MOBP: variants seen among roughly 807,000 people sequenced by gnomAD.
The protein encoded by MOBP is myelin-associated oligodendrocyte basic protein.
A neutral mutation model predicts 15.0 loss-of-function variants in MOBP; 5 were observed. The ratio of observed to expected loss-of-function variants is 0.33; its 90% CI spans 0.17 to 0.70. MOBP has a LOEUF of 0.70. Ranked by LOEUF, MOBP falls within the 30% of genes least tolerant of loss-of-function variation. MOBP has a pLI of 0.67. For synonymous variants in MOBP, 88 were observed against 99.0 expected, an observed-to-expected ratio of 0.89 and a Z score of 0.66; for missense variants, 188 against 257.8, an observed-to-expected ratio of 0.73 and a Z score of 1.85.
chr3:39,497,878 G>A (rs1220474082), intron 2 of MOBP, among the ~76,000 whole-genome samples: 1 of 152,132 alleles, frequency 6.6e-6, no homozygotes, highest in African/African-American at 2.4e-5. Context: ...AACATCGATG[G>A]ACAGAGAAAG....
chr3:39,493,848 G>C (rs2042836364), intron 2 of MOBP, among the ~76,000 whole-genome samples: 1 of 152,184 alleles, frequency 6.6e-6, no homozygotes, highest in African/African-American at 2.4e-5. Flanking sequence ...CTGTTGAGTG[G>C]TAAAAGACAG....
chr3:39,481,799 T>C (rs2042632212), intron 2 of MOBP, among the ~76,000 whole-genome samples: 1 of 152,254 alleles, frequency 6.6e-6, no homozygotes, highest in Non-Finnish European at 1.5e-5. Context: ...CTTAATCAAC[T>C]GTACTCGAGT....
chr3:39,512,491 T>G (rs1366562479), intron 4 of MOBP, among the ~76,000 whole-genome samples: 1 of 152,234 alleles, frequency 6.6e-6, no homozygotes, highest in African/African-American at 2.4e-5. Flanking sequence ...ATAACATATT[T>G]CTGCATTTAT....
chr3:39,500,677 A>C (rs930978706), intron 2 of MOBP, among the ~76,000 whole-genome samples: 4 of 152,152 alleles, frequency 2.6e-5, no homozygotes, highest in Admixed American at 2.6e-4. Context: ...TGGAGGGAAA[A>C]AATATTAATA....
intron 2 of MOBP, among the ~76,000 whole-genome samples, chr3:39,500,626 G>A (rs532102439): frequency 6.6e-6 from 1 of 152,186 alleles, no homozygotes; most frequent in East Asian, 1.9e-4. Flanking sequence ...AGGAGCCACA[G>A]TGGGGTGCAC....
chr3:39,484,882 G>A (rs1488746563), intron 2 of MOBP, among the ~76,000 whole-genome samples: 7 of 152,224 alleles, frequency 4.6e-5, no homozygotes, highest in Non-Finnish European at 1.0e-4. Context: ...TTGCAGGTGG[G>A]CAGTGTGGTT....
chr3:39,469,201 T>C lies in MOBP; in HGVS notation c.-89+1461T>C, dbSNP rs552190163. The stretch of plus-strand genomic sequence containing the variant: ...ACATGTGTGTGTGTGTATATACATA[T>C]ATACATGTGTGTGTATATACATATA... On this transcript the variant is annotated intron_variant, in intron 1 of 3. Coordinates refer to ENST00000684792, the MANE Select transcript of MOBP (RefSeq NM_001393704.1). Among the ~76,000 whole-genome samples the C allele has an allele frequency of 2.2e-4, 24 of 108,680 alleles. 6 individuals carry two copies. The highest frequency in any genetic ancestry group is 9.7e-4 in the African/African-American group (23 of 23,822). 71.3% of individuals were successfully genotyped at this position (108,680 alleles called of 152,430 possible).
In MOBP at chr3:39,502,105, C is replaced by T; in HGVS notation, c.36C>T (p.Leu12=). The T allele has an allele frequency of 2.5e-6, 4 of 1,614,206 alleles. No homozygotes were observed. Among genetic ancestry groups the T allele is most frequent in the Non-Finnish European group, 3.4e-6 (4 of 1,180,048 alleles). Residue 12 remains leucine, a synonymous_variant, in exon 3 of 4, where the codon CTC becomes CTT. Transcript: ENST00000684792. This position sits in a 1 kb window ranked among gnomAD's most constrained non-coding sequence, Gnocchi z 6.3. ...SQKPAKEGPR[L]SKNQKYSEHF... ...AACCGGCCAAGGAGGGTCCCAGACT[C>T]TCCAAAAACCAGAAGTACTCCGAAC... is the stretch of plus-strand genomic sequence containing the variant.
chr3:39,504,432 G>A (rs1030149746), downstream of MOBP, among the ~76,000 whole-genome samples: 1 of 152,216 alleles, frequency 6.6e-6, no homozygotes, highest in African/African-American at 2.4e-5. Context: ...AGATTTGTCT[G>A]GACCTAACCT....
chr3:39,519,772 C>T (rs1388020121), downstream of MOBP, among the ~76,000 whole-genome samples: 3 of 152,234 alleles, frequency 2.0e-5, no homozygotes, highest in East Asian at 5.8e-4. Context: ...CTGATTTGCT[C>T]ACTGCCTCAG....
At chr3:39,493,931 G>T (rs2042837551) in intron 2 of MOBP, among the ~76,000 whole-genome samples, 1 of 152,200 alleles carries the variant, frequency 6.6e-6, no homozygotes, top group South Asian at 2.1e-4. Flanking sequence ...GAATGACTGG[G>T]TTGGGCTGGA....
rs2042422161 is a variant in MOBP at position 39,469,161 on chromosome 3, TGTGTATAC to T, written c.-89+1422_-89+1429del. Among the ~76,000 whole-genome samples, 9 of 96,640 alleles carry T rather than the reference TGTGTATAC, an allele frequency of 9.3e-5. 1 individual carries two copies. Among genetic ancestry groups the T allele is most frequent in the East Asian group, 4.8e-4 (2 of 4,144 alleles). The allele number at this position is 96,640 out of a possible 152,430, so 63.4% of individuals were successfully genotyped here. A position where few individuals can be genotyped will look rare whatever the true frequency, so the allele number is the denominator to read the frequency against. On this transcript the variant is annotated intron_variant, in intron 1 of 3. Coordinates refer to ENST00000684792, the MANE Select transcript of MOBP (RefSeq NM_001393704.1). ...GTATATACATATATACATATGTGTG[TGTGTATAC>T]ATATATACATGTGTGTGTGTGTATA...
chr3:39,471,131 CTT>C (rs35128158), intron 1 of MOBP, among the ~76,000 whole-genome samples: 295 of 128,876 alleles, frequency 2.3e-3, no homozygotes, highest in Middle Eastern at 7.8e-3. Context: ...AAAGAAAAGT[CTT>C]TTTTTTTTTT....
intron 1 of MOBP, among the ~76,000 whole-genome samples, chr3:39,469,221 C>T (rs531930694): frequency 1.7e-5 from 2 of 116,216 alleles, no homozygotes; most frequent in African/African-American, 3.8e-5. Context: ...TGTGTATATA[C>T]ATATATACAT....
At chr3:39,499,017 A>C (rs1387206466) in intron 2 of MOBP, among the ~76,000 whole-genome samples, 2 of 152,126 alleles carry the variant, frequency 1.3e-5, no homozygotes, top group Non-Finnish European at 2.9e-5. Context: ...AAACAGTTGG[A>C]GTAAGAGCTA....
chr3:39,529,381 A>G (rs923445028), downstream of MOBP: 3 of 152,240 alleles, frequency 2.0e-5, no homozygotes, highest in Non-Finnish European at 2.9e-5. Flanking sequence ...ACTTGCACTA[A>G]AACAACCAAA....
chr3:39,517,130 G>A (rs1410882722), downstream of MOBP, among the ~76,000 whole-genome samples: 9 of 152,168 alleles, frequency 5.9e-5, no homozygotes, highest in Admixed American at 3.9e-4. Flanking sequence ...CAAGGGTCAG[G>A]TGTGCAGTTG....
chr3:39,502,847 G>T lies in MOBP; in HGVS notation c.519G>T (p.Gly173=). The change falls in exon 4 of 4, where the codon GGG becomes GGT. Residue 173 remains glycine, a synonymous_variant. Coordinates refer to ENST00000684792, the MANE Select transcript of MOBP (RefSeq NM_001393704.1). This position sits in a 1 kb window ranked among gnomAD's most constrained non-coding sequence, Gnocchi z 6.3. ...SPLRGPGASR[G]GSPVKASRFW ...TCAGAGGGCCAGGCGCCAGCCGTGG[G>T]GGGTCCCCCGTCAAAGCTTCTAGGT... The T allele has an allele frequency of 2.0e-6, 3 of 1,473,092 alleles. No homozygotes were observed. Among genetic ancestry groups the T allele is most frequent in the Non-Finnish European group, 2.7e-6 (3 of 1,099,214 alleles). The allele number at this position is 1,473,092 out of a possible 1,614,324, so 91.3% of individuals were successfully genotyped here.
At chr3:39,500,872 A>G (rs1362785229) in intron 2 of MOBP, among the ~76,000 whole-genome samples, 1 of 152,252 alleles carries the variant, frequency 6.6e-6, no homozygotes, top group East Asian at 1.9e-4. Flanking sequence ...ATACTTAATT[A>G]CATAAAACTA....
Sources: allele counts gnomAD v4.1 joint callset (sites outside exome capture counted in the v4.1 genomes callset), GRCh38; gene constraint gnomAD v4.1.1; non-coding constraint Gnocchi (gnomAD v3.1); transcripts MANE v1.5; gene names NCBI Gene and HGNC (gene_info 2026-07-23, HGNC 2026-07-21).